LRRC45: variants seen among roughly 807,000 people sequenced by gnomAD.
LRRC45 encodes leucine rich repeat containing 45, also known as leucine-rich repeat-containing protein 45.
LRRC45 carries 73 observed loss-of-function variants against 85.4 expected under a neutral mutation model. The observed-to-expected ratio is 0.85, with a 90% CI of 0.71 to 1.04. The LOEUF (loss-of-function observed/expected upper bound fraction) is 1.04. Ranked by LOEUF, LRRC45 falls within the 50% of genes least tolerant of loss-of-function variation. LRRC45 has a pLI of 0.00. For synonymous variants in LRRC45, 429 were observed against 386.0 expected, an observed-to-expected ratio of 1.11 and a Z score of -1.31; for missense variants, 937 against 883.3, an observed-to-expected ratio of 1.06 and a Z score of -0.77.
rs774243751 is a variant in LRRC45, at chr17:82,026,942, G to A, written c.705G>A (p.Gln235=). 6.2e-7 allele frequency: 1 copy of A among 1,608,624 alleles called. No individual in the cohort carries two copies. The highest frequency in any genetic ancestry group is 8.5e-7 in the Non-Finnish European group (1 of 1,179,076). ...GHSQDRLTTF[Q]ENQARTHVLS... ...GCCAGGACCGGCTCACCACCTTCCA[G>A]GAGAACCAAGCCCGCACTCACGTCC... The change falls in exon 6 of 17, where the codon CAG becomes CAA. Residue 235 remains glutamine (Q), a synonymous_variant. Coordinates refer to ENST00000306688, the MANE Select transcript of LRRC45 (RefSeq NM_144999.4).
rs756955735 is a variant in LRRC45 at position 82,025,101 on chromosome 17, G to A, written c.455G>A (p.Arg152His). Residue 152 changes from arginine to histidine, a missense_variant, in exon 4 of 17, where the codon CGC (arginine) becomes CAC (histidine). By Grantham distance (29) the Arg-to-His change is conservative (BLOSUM62 0). Coordinates refer to ENST00000306688, the MANE Select transcript of LRRC45 (RefSeq NM_144999.4). The stretch of plus-strand genomic sequence containing the variant: ...GGCGCCCTGCAGCGGCTGGACCTCC[G>A]CAACAACCAGATCAGTCACAAGGGC... ...ANGALQRLDLRNNQISHKGAE... is the reference protein window; with the variant it reads ...ANGALQRLDLHNNQISHKGAE... 1.1e-5 allele frequency: 18 copies of A among 1,610,814 alleles called. No homozygotes were observed. The highest frequency in any genetic ancestry group is 1.6e-4 in the Middle Eastern group (1 of 6,068).
rs535827164 is a variant in LRRC45, at chr17:82,028,151, G to A, written c.1047+5G>A. ...GAGCTCAAGCTGGAGCAGCAGGTGG[G>A]TGGGCAGGGCTTGAGAGGGGTGGGC... On this transcript the variant is annotated splice_donor_5th_base_variant and intron_variant, in intron 9 of 16. Coordinates refer to ENST00000306688, the MANE Select transcript of LRRC45 (RefSeq NM_144999.4). The A allele has an allele frequency of 6.4e-6, 10 of 1,564,042 alleles. No homozygotes were observed. Among genetic ancestry groups the A allele is most frequent in the Non-Finnish European group, 7.8e-6 (9 of 1,154,796 alleles).
intron 6 of LRRC45, 49 bp from the exon 7 acceptor site, chr17:82,027,325 AGAAGGTCAGGTG>A: frequency 6.3e-7 from 1 of 1,593,362 alleles, no homozygotes; most frequent in Non-Finnish European, 8.6e-7. Flanking sequence ...CTTCCCCCTG[AGAAGGTCAGGTG>A]GACAGGCTGC....
chr17:82,027,258 A>T (rs746838129), intron 6 of LRRC45, 128 bp from the exon 7 acceptor site: 12 of 1,198,036 alleles, frequency 1.0e-5, no homozygotes, highest in Non-Finnish European at 1.5e-5. Flanking sequence ...TGAAGGAGAC[A>T]GGGCACCGTG....
chr17:82,027,524 CCCACGAGTGAGG>C, intron 7 of LRRC45, 80 bp downstream of exon 7: 1 of 1,588,890 alleles, frequency 6.3e-7, no homozygotes, highest in Non-Finnish European at 8.6e-7. Flanking sequence ...CCAACCTGAG[CCCACGAGTGAGG>C]CCACGAGGAG....
In LRRC45 at chr17:82,024,706, G is replaced by C; in HGVS notation, c.296G>C (p.Arg99Pro). 1.9e-6 allele frequency: 3 copies of C among 1,573,196 alleles called. No homozygotes were observed. Among genetic ancestry groups the C allele is most frequent in the Non-Finnish European group, 2.6e-6 (3 of 1,163,612 alleles). Residue 99 changes from arginine (R) to proline (P), a missense_variant, in exon 3 of 17, where the codon CGG becomes CCG. By Grantham distance (103) the Arg-to-Pro change is moderately radical. Coordinates refer to ENST00000306688, the MANE Select transcript of LRRC45 (RefSeq NM_144999.4). ...RFLDLKGNNL[R>P]AAGAEALGKL... ...TTTCTCTCCTAGGGCAACAACCTTC[G>C]GGCTGCAGGGGCCGAGGCTCTGGGA...
Position 82,028,314 on chromosome 17 carries a change from A to C in LRRC45, c.1125+3A>C, listed in dbSNP as rs765114302. 3.7e-5 allele frequency: 59 copies of C among 1,597,846 alleles called. 1 individual carries two copies. Among genetic ancestry groups the C allele is most frequent in the Non-Finnish European group, 5.0e-5 (59 of 1,173,204 alleles). On this transcript the variant is annotated splice_donor_region_variant and intron_variant, in intron 10 of 16. Coordinates refer to ENST00000306688, the MANE Select transcript of LRRC45 (RefSeq NM_144999.4). Reference sequence around the variant, plus strand: ...AGAACCTGCTTCTGCAAAACCAGGTAGCTGTGGTGGATGGAGCCAGGGAGC... The same window carrying C: ...AGAACCTGCTTCTGCAAAACCAGGTCGCTGTGGTGGATGGAGCCAGGGAGC...
At chr17:82,029,380 C>T (rs1048364289) in intron 13 of LRRC45, 163 bp from the exon 14 acceptor site, 14 of 960,464 alleles carry the variant, frequency 1.5e-5, no homozygotes, top group Middle Eastern at 3.2e-4. Context: ...CTTCCTTGGC[C>T]TTAGGAACCT....
Position 82,025,411 on chromosome 17 carries a change from G to T in LRRC45, c.565G>T (p.Gly189Cys), listed in dbSNP as rs2086767140. 3.1e-6 allele frequency: 5 copies of T among 1,600,082 alleles called. No homozygotes were observed. The highest frequency in any genetic ancestry group is 1.1e-5 in the South Asian group (1 of 89,332). Residue 189 changes from glycine (G) to cysteine (C), a missense_variant, in exon 5 of 17, where the codon GGC (glycine) becomes TGC (cysteine). Transcript: ENST00000306688. Reference sequence around the variant, plus strand: ...CTGGAATAACGTTGGCCTCCTGGGGGGCCGGGCCCTCATGAACTGTCTCCC... The same window carrying T: ...CTGGAATAACGTTGGCCTCCTGGGGTGCCGGGCCCTCATGAACTGTCTCCC... ...LRWNNVGLLG[G>C]RALMNCLPSN...
At chr17:82,029,450 G>C (rs1327518075) in intron 13 of LRRC45, 93 bp from the exon 14 acceptor site, 1 of 1,370,566 alleles carries the variant, frequency 7.3e-7, no homozygotes, top group Non-Finnish European at 1.0e-6. Flanking sequence ...GCAGAGAGGA[G>C]CCCCCCTGGC....
intron 6 of LRRC45, 76 bp downstream of exon 6, chr17:82,027,087 C>T (rs1204441542): frequency 7.9e-7 from 1 of 1,266,566 alleles, no homozygotes; most frequent in Non-Finnish European, 1.1e-6. Context: ...TCCCTCAGCC[C>T]CGTGGTCTGC....
rs1020842096 is a variant in LRRC45, at chr17:82,024,182, C to T, written c.221-96C>T. On this transcript the variant is annotated intron_variant, in intron 1 of 16. Transcript: ENST00000306688. Reference sequence around the variant, plus strand: ...ACCCAGACCATCGGGACAGTTGTCCCTTCCTGGGTCTAGGGAGCTGCCCTG... The same window carrying T: ...ACCCAGACCATCGGGACAGTTGTCCTTTCCTGGGTCTAGGGAGCTGCCCTG... The T allele has an allele frequency of 2.2e-5, 31 of 1,400,532 alleles. No homozygotes were observed. The African/African-American group carries it at 2.6e-4, about 12-fold the overall frequency. 86.8% of individuals were successfully genotyped at this position (1,400,532 alleles called of 1,614,324 possible).
In LRRC45 at chr17:82,023,874, G is replaced by A. The variant is rs2043339336; in HGVS notation, c.220+11G>A. On this transcript the variant is annotated intron_variant, in intron 1 of 16. Coordinates refer to ENST00000306688, the MANE Select transcript of LRRC45 (RefSeq NM_144999.4). ...TGCTCAGCGAGGAAGGTGGGCAGGC[G>A]CGGCGGGGTGGATCCCTCTGCTCCT... The A allele has an allele frequency of 1.3e-6, 2 of 1,547,590 alleles. No homozygotes were observed.
chr17:82,024,989 C>A lies in LRRC45; in HGVS notation c.354-11C>A. ...CCCCTAGGTGAACACTGGCTTCTGC[C>A]CCTCCTGCAGCCTCACGCTGGAGTG... On this transcript the variant is annotated splice_polypyrimidine_tract_variant and intron_variant, in intron 3 of 16. Coordinates refer to ENST00000306688, the MANE Select transcript of LRRC45 (RefSeq NM_144999.4). The A allele has an allele frequency of 6.4e-7, 1 of 1,554,694 alleles. No individual in the cohort carries two copies. The highest frequency in any genetic ancestry group is 8.7e-7 in the Non-Finnish European group (1 of 1,148,438).
intron 1 of LRRC45, 94 bp downstream of exon 1, chr17:82,023,957 A>G: frequency 2.5e-6 from 3 of 1,223,376 alleles, no homozygotes; most frequent in Middle Eastern, 2.8e-4. Flanking sequence ...AGGCTCTCCA[A>G]TTTCTGTGCC....
rs759988029 is a variant in LRRC45, at chr17:82,028,489, G to A, written c.1218G>A (p.Met406Ile). The change falls in exon 11 of 17, where the codon ATG (methionine) becomes ATA (isoleucine). Residue 406 changes from methionine to isoleucine, a missense_variant. By Grantham distance (10) the Met-to-Ile change is conservative. Transcript: ENST00000306688. ...EMTSMSAELKMRAIQAEERLD... is the reference protein window; with the variant it reads ...EMTSMSAELKIRAIQAEERLD... ...CCAGCATGTCAGCTGAGCTGAAGAT[G>A]CGGGCCATCCAGGCCGAGGGTGGGC... 5 of 1,612,428 alleles carry A rather than the reference G, an allele frequency of 3.1e-6. No individual in the cohort carries two copies. In the East Asian group the frequency reaches 8.9e-5, roughly 29 times the overall value.
intron 11 of LRRC45, 25 bp downstream of exon 11, chr17:82,028,533 G>A (rs2043388699): frequency 1.2e-6 from 2 of 1,611,690 alleles, no homozygotes; most frequent in African/African-American, 2.7e-5. Flanking sequence ...GCCTGCTGTG[G>A]AGGGGCCTGG....
chr17:82,028,516 C>T lies in LRRC45; in HGVS notation c.1237+8C>T, dbSNP rs12452892. On this transcript the variant is annotated splice_region_variant and intron_variant, in intron 11 of 16. Coordinates refer to ENST00000306688, the MANE Select transcript of LRRC45 (RefSeq NM_144999.4). ...GGGCCATCCAGGCCGAGGGTGGGCA[C>T]GGGCAGGCCTGCTGTGGAGGGGCCT... 50 of 1,612,040 alleles carry T rather than the reference C, an allele frequency of 3.1e-5. No homozygotes were observed. The Admixed American group carries it at 4.0e-4, about 13-fold the overall frequency.
Position 82,030,766 on chromosome 17 carries a change from G to T in LRRC45, c.1974G>T (p.Val658=). The T allele has an allele frequency of 6.9e-7, 1 of 1,443,960 alleles. No individual in the cohort carries two copies. The highest frequency in any genetic ancestry group is 9.2e-7 in the Non-Finnish European group (1 of 1,082,906). 89.4% of individuals were successfully genotyped at this position (1,443,960 alleles called of 1,614,324 possible). Residue 658 remains valine, a synonymous_variant, in exon 17 of 17, where the codon GTG becomes GTT. Coordinates refer to ENST00000306688, the MANE Select transcript of LRRC45 (RefSeq NM_144999.4). ...TGCAGAACGCCGTCCTGGCTTACGT[G>T]CAGGCGTCCCCCGTGAGGACCCTGA... ...SFLQNAVLAY[V]QASPVRTLSP...
Sources: allele counts gnomAD v4.1 joint callset, GRCh38; gene constraint gnomAD v4.1.1; transcripts MANE v1.5; gene names NCBI Gene and HGNC (gene_info 2026-07-23, HGNC 2026-07-21).